Variants in SCN1A observed in about 807,000 individuals in gnomAD.
SCN1A encodes the protein sodium voltage-gated channel alpha subunit 1.
A neutral mutation model predicts 193.7 loss-of-function variants in SCN1A; 13 were observed. The observed-to-expected ratio is 0.07, with a 90% confidence interval of 0.04 to 0.11. The LOEUF is 0.11. SCN1A is among the 10% of genes least tolerant of loss of function. The pLI is 1.00. For synonymous variants in SCN1A, 781 were observed against 843.6 expected (o/e 0.93, Z 1.29); for missense variants, 1,432 against 2,451.1 (o/e 0.58, Z 8.78).
At chr2:166,002,422 G>A (rs945878748) in intron 24 of SCN1A, 50 bp downstream of exon 24, 1 of 1,527,754 alleles carries the variant, frequency 6.5e-7, no homozygotes, top group South Asian at 1.1e-5. Context: ...TCATTATTTT[G>A]TTATTATTCC....
At chr2:166,074,355 G>A (rs73969788) in intron 3 of SCN1A, among the ~76,000 whole-genome samples, 11,676 of 152,186 alleles carry the variant, frequency 0.077, 1,218 homozygotes, top group African/African-American at 0.24. Context: ...TAAAGAAATT[G>A]CTAGATGGAG....
intron 11 of SCN1A, 80 bp downstream of exon 11, chr2:166,047,547 A>C (rs1697986481): frequency 4.7e-6 from 7 of 1,483,070 alleles, no homozygotes; most frequent in Non-Finnish European, 6.6e-6. Flanking sequence ...CTATATTATC[A>C]TCCGGTTTTA....
intron 25 of SCN1A, among the ~76,000 whole-genome samples, chr2:165,998,607 C>G (rs1478670919): frequency 6.6e-6 from 1 of 151,280 alleles, no homozygotes; most frequent in Non-Finnish European, 1.5e-5. Context: ...ATGTTTGGCA[C>G]TTTACCCTAA....
chr2:166,147,880 A>G (rs1243840832), intron 1 of SCN1A, among the ~76,000 whole-genome samples: 2 of 152,226 alleles, frequency 1.3e-5, no homozygotes, highest in Admixed American at 6.5e-5. Context: ...ACTCATTTTC[A>G]TTCCTTTAAT....
chr2:166,052,461 A>ATTCTTTATTGTCTTATTCCCTTCTCT (rs1698674077), intron 8 of SCN1A, among the ~76,000 whole-genome samples: 2 of 151,998 alleles, frequency 1.3e-5, no homozygotes, highest in Non-Finnish European at 2.9e-5. Context: ...GACTCACACT[A>ATTCTTTATTGTCTTATTCCCTTCTCT]TTCTTTATTG....
At chr2:166,031,598 T>C (rs1695561444) in intron 19 of SCN1A, among the ~76,000 whole-genome samples, 1 of 152,070 alleles carries the variant, frequency 6.6e-6, no homozygotes, top group African/African-American at 2.4e-5. Context: ...AAACAATTTA[T>C]TACAGAGGGC....
Position 166,037,964 on chromosome 2 carries a change from C to T in SCN1A, c.2758G>A (p.Val920Ile). 1 of 1,614,204 alleles carries T rather than the reference C, an allele frequency of 6.2e-7. No homozygotes were observed. Among genetic ancestry groups the T allele is most frequent in the Non-Finnish European group, 8.5e-7 (1 of 1,180,030 alleles). ...TGACAATCACTGGCGATCTTGCAGA[C>T]ACAATCTTTGTAGCTTTTACCAAAG... is the stretch of plus-strand genomic sequence containing the variant. ...QLFGKSYKDC[V>I]CKIASDCQLP... Residue 920 changes from valine to isoleucine, a missense_variant, in exon 18 of 29, where the codon GTC becomes ATC. By Grantham distance (29) the Val-to-Ile change is conservative. Coordinates refer to ENST00000674923, the MANE Select transcript of SCN1A (RefSeq NM_001165963.4).
At chr2:166,115,220 A>G (rs1689721509) in intron 2 of SCN1A, among the ~76,000 whole-genome samples, 2 of 152,030 alleles carry the variant, frequency 1.3e-5, no homozygotes, top group Non-Finnish European at 2.9e-5. Flanking sequence ...TTAGCTGGGC[A>G]TGGTGGCGCA....
At chr2:165,985,695 T>C (rs1388683486), downstream of SCN1A, 2 of 152,182 alleles carry the variant, frequency 1.3e-5, no homozygotes, top group Non-Finnish European at 2.9e-5. Flanking sequence ...CTTGATTGTC[T>C]AGAGTATTTT....
intron 2 of SCN1A, among the ~76,000 whole-genome samples, chr2:166,079,568 C>G (rs928437219): frequency 6.7e-6 from 1 of 150,076 alleles, no homozygotes; most frequent in African/African-American, 2.4e-5. Context: ...CGACAATCAC[C>G]GTCTTTCAGA....
At chr2:166,104,184 T>C (rs1050101980) in intron 2 of SCN1A, 2 of 152,246 alleles carry the variant, frequency 1.3e-5, no homozygotes, top group East Asian at 3.8e-4. Context: ...AGAAAAATTA[T>C]GGAACTAGAG....
chr2:166,100,076 C>G (rs1307479734), intron 2 of SCN1A, among the ~76,000 whole-genome samples: 1 of 128,230 alleles, frequency 7.8e-6, no homozygotes, highest in African/African-American at 2.7e-5. Flanking sequence ...GCCAAAAGAA[C>G]AAAGCTGGAG....
At chr2:166,139,749 G>A (rs779188041) in intron 1 of SCN1A, among the ~76,000 whole-genome samples, 4 of 152,036 alleles carry the variant, frequency 2.6e-5, no homozygotes, top group Non-Finnish European at 5.9e-5. Context: ...AAACCATCTC[G>A]TGAGACTTAT....
intron 2 of SCN1A, among the ~76,000 whole-genome samples, chr2:166,093,756 T>C (rs1687078450): frequency 6.6e-6 from 1 of 152,220 alleles, no homozygotes; most frequent in African/African-American, 2.4e-5. Flanking sequence ...ACATAACATG[T>C]TCTTAACTTT....
intron 2 of SCN1A, among the ~76,000 whole-genome samples, chr2:166,102,619 C>A (rs551086093): frequency 1.2e-3 from 175 of 151,698 alleles, no homozygotes; most frequent in Middle Eastern, 3.5e-3. Flanking sequence ...TTAGTTCAGC[C>A]ACTGTGGAAG....
chr2:166,014,583 T>A (rs1281417385), intron 20 of SCN1A, among the ~76,000 whole-genome samples: 4 of 110,030 alleles, frequency 3.6e-5, no homozygotes, highest in Non-Finnish European at 5.5e-5. Flanking sequence ...CCAAAAAAAA[T>A]CTGGTTTTCA....
rs1203427231 is a variant in SCN1A, at chr2:166,039,774, T to C, written c.2416-178A>G. ...TCATATACATTATTTAATTTTATCC[T>C]TGTGGAAACGCGAAGTAGATAATAT... On this transcript the variant is annotated intron_variant, in intron 16 of 28. Coordinates refer to ENST00000674923, the MANE Select transcript of SCN1A (RefSeq NM_001165963.4). 5.3e-5 allele frequency among the ~76,000 whole-genome samples: 8 copies of C among 152,260 alleles called. No homozygotes were observed. In the East Asian group the frequency reaches 7.7e-4, roughly 15 times the overall value.
intron 2 of SCN1A, among the ~76,000 whole-genome samples, chr2:166,079,888 AT>A (rs1374528221): frequency 1.3e-5 from 2 of 151,516 alleles, no homozygotes; most frequent in Non-Finnish European, 3.0e-5. Flanking sequence ...TAGAAAAAGT[AT>A]TTTTTTAACT....
chr2:166,115,334 C>G (rs1689737272), intron 2 of SCN1A, among the ~76,000 whole-genome samples: 1 of 151,934 alleles, frequency 6.6e-6, no homozygotes, highest in Non-Finnish European at 1.5e-5. Context: ...ACTCCAGCAG[C>G]CTGGGAAACA....
Sources: gnomAD v4.1 joint callset for allele counts (sites outside exome capture counted in the v4.1 genomes callset) on GRCh38, gnomAD v4.1.1 for gene constraint, MANE v1.5 for transcripts, NCBI Gene and HGNC (gene_info 2026-07-23, HGNC 2026-07-21) for gene names.